EPM2A: variants seen among roughly 807,000 people sequenced by gnomAD.
The protein encoded by EPM2A is laforin.
Under a neutral mutation model 26.5 loss-of-function variants are expected in EPM2A, and 21 were observed. That is an observed-to-expected ratio of 0.79 (90% confidence interval 0.56 to 1.14). The LOEUF (loss-of-function observed/expected upper bound fraction) is 1.14, where lower values mean the gene tolerates loss of function less well. Among genes scored for constraint, EPM2A ranks in the 50% most tolerant of loss-of-function variants. EPM2A has a pLI of 0.00. For missense variants in EPM2A, 458 were observed against 440.8 expected, an observed-to-expected ratio of 1.04 and a Z score of -0.35; for synonymous variants, 217 against 177.6, an observed-to-expected ratio of 1.22 and a Z score of -1.76.
intron 1 of EPM2A, among the ~76,000 whole-genome samples, chr6:145,701,939 T>C (rs560789151): frequency 5.3e-5 from 8 of 152,136 alleles, no homozygotes; most frequent in Admixed American, 2.0e-4. Context: ...AGAAAGAGAG[T>C]ACCAGTTATT....
chr6:145,572,924 C>A (rs9497350), intron 2 of EPM2A, among the ~76,000 whole-genome samples: 1 of 152,304 alleles, frequency 6.6e-6, no homozygotes, highest in Middle Eastern at 3.4e-3. Flanking sequence ...CAAGTAGGCA[C>A]GCTAGGCGTT....
chr6:145,654,345 C>T (rs1232245333), intron 2 of EPM2A, among the ~76,000 whole-genome samples: 1 of 152,036 alleles, frequency 6.6e-6, no homozygotes, highest in Non-Finnish European at 1.5e-5. Context: ...CCATGCCTGG[C>T]TAATTTTGTA....
intron 4 of EPM2A, among the ~76,000 whole-genome samples, chr6:145,419,983 T>C (rs1264222833): frequency 6.6e-6 from 1 of 152,168 alleles, no homozygotes; most frequent in Admixed American, 6.5e-5. Context: ...TTTAGTTTTT[T>C]GCATTGCTGG....
chr6:145,676,832 C>A (rs1245771029), intron 2 of EPM2A, among the ~76,000 whole-genome samples: 1 of 152,072 alleles, frequency 6.6e-6, no homozygotes, highest in Non-Finnish European at 1.5e-5. Context: ...GGATTCACAG[C>A]CAAATTCTAT....
intron 2 of EPM2A, among the ~76,000 whole-genome samples, chr6:145,666,138 C>T (rs1385584920): frequency 6.8e-6 from 1 of 146,440 alleles, no homozygotes; most frequent in Admixed American, 6.9e-5. Flanking sequence ...CGCTCCTATT[C>T]CATAGTGTTG....
At chr6:145,541,311 T>A (rs1355094218) in intron 2 of EPM2A, among the ~76,000 whole-genome samples, 1 of 143,140 alleles carries the variant, frequency 7.0e-6, no homozygotes, top group Non-Finnish European at 1.5e-5. Context: ...TGTGTGTGTG[T>A]ATATACATAT....
At chr6:145,474,582 A>G (rs563743335) in intron 4 of EPM2A, among the ~76,000 whole-genome samples, 1 of 152,324 alleles carries the variant, frequency 6.6e-6, no homozygotes, top group South Asian at 2.1e-4. Context: ...CATGACTAAA[A>G]CACCAAAAGC....
At chr6:145,553,479 G>A (rs2114806421) in intron 2 of EPM2A, among the ~76,000 whole-genome samples, 1 of 152,156 alleles carries the variant, frequency 6.6e-6, no homozygotes, top group East Asian at 1.9e-4. Flanking sequence ...GGGATGGAAG[G>A]ACATTTGTGC....
intron 1 of EPM2A, among the ~76,000 whole-genome samples, chr6:145,717,625 A>C (rs1775709081): frequency 6.6e-6 from 1 of 152,168 alleles, no homozygotes; most frequent in Non-Finnish European, 1.5e-5. Flanking sequence ...CACGGCAATT[A>C]GGCAGGAGAA....
chr6:145,676,053 G>A (rs1306704626), intron 2 of EPM2A, among the ~76,000 whole-genome samples: 1 of 152,274 alleles, frequency 6.6e-6, no homozygotes, highest in African/African-American at 2.4e-5. Flanking sequence ...AAATGTAAAA[G>A]AACAGAAATC....
exon 4 of EPM2A, chr6:145,501,805 T>C (rs1779893985): frequency 2.1e-6 from 1 of 471,200 alleles, no homozygotes; most frequent in Non-Finnish European, 4.4e-6. Flanking sequence ...GATATTTGTG[T>C]CTTACTTTTG....
chr6:145,558,294 A>G (rs937387768), intron 2 of EPM2A, among the ~76,000 whole-genome samples: 8 of 151,970 alleles, frequency 5.3e-5, no homozygotes, highest in Admixed American at 4.6e-4. Flanking sequence ...GAGTCCATTA[A>G]ACTTCTTTTT....
chr6:145,422,438 T>C (rs556471796), intron 4 of EPM2A, among the ~76,000 whole-genome samples: 94 of 149,676 alleles, frequency 6.3e-4, no homozygotes, highest in African/African-American at 2.3e-3. Context: ...TCAAAGAATT[T>C]CTCCTTACAG....
chr6:145,624,020 G>C (rs1282692305), downstream of EPM2A, among the ~76,000 whole-genome samples: 1 of 152,170 alleles, frequency 6.6e-6, no homozygotes, highest in Non-Finnish European at 1.5e-5. Flanking sequence ...TGTTGTTATG[G>C]TTGTTCTTCC....
intron 1 of EPM2A, among the ~76,000 whole-genome samples, chr6:145,734,240 A>G (rs1434102987): frequency 6.6e-6 from 1 of 152,248 alleles, no homozygotes; most frequent in Non-Finnish European, 1.5e-5. Flanking sequence ...GTTGCCATTT[A>G]AAATATACAT....
chr6:145,447,010 C>T (rs1275759587), intron 4 of EPM2A, among the ~76,000 whole-genome samples: 1 of 152,012 alleles, frequency 6.6e-6, no homozygotes, highest in East Asian at 1.9e-4. Flanking sequence ...CATTATGCTG[C>T]AGTAGTTTTC....
At chr6:145,400,229 A>C (rs1415094579) in intron 4 of EPM2A, among the ~76,000 whole-genome samples, 1 of 152,186 alleles carries the variant, frequency 6.6e-6, no homozygotes, top group African/African-American at 2.4e-5. Context: ...TGACTGAGAA[A>C]TCTTGGCCAA....
chr6:145,563,210 T>A (rs1398514097), intron 2 of EPM2A, among the ~76,000 whole-genome samples: 2 of 151,514 alleles, frequency 1.3e-5, no homozygotes, highest in African/African-American at 4.9e-5. Context: ...GTGGAGTGAA[T>A]GTGCCGGTTT....
intron 1 of EPM2A, chr6:145,705,417 G>A (rs115926447): frequency 0.02 from 7,350 of 366,400 alleles, 494 homozygotes; most frequent in African/African-American, 0.14. Flanking sequence ...GCTGGGCATG[G>A]TGGCGCACAC....
Sources: gnomAD v4.1 joint callset for allele counts (sites outside exome capture counted in the v4.1 genomes callset) on GRCh38, gnomAD v4.1.1 for gene constraint, MANE v1.5 for transcripts, NCBI Gene and HGNC (gene_info 2026-07-23, HGNC 2026-07-21) for gene names.